Variants in CALHM2 observed in about 807,000 individuals in gnomAD.
The protein encoded by CALHM2 is calcium homeostasis modulator family member 2, also known as calcium homeostasis modulator protein 2.
CALHM2 carries 18 observed loss-of-function variants against 20.4 expected under a neutral mutation model. The observed-to-expected ratio is 0.88, with a 90% CI of 0.61 to 1.31. The LOEUF is 1.31. Among genes scored for constraint, CALHM2 ranks in the 50% most tolerant of loss-of-function variants. The pLI, the probability that CALHM2 is intolerant of heterozygous loss-of-function variation, is 0.00. For synonymous variants in CALHM2, 193 were observed against 192.1 expected (o/e 1.00, Z -0.04); for missense variants, 411 against 435.7 (o/e 0.94, Z 0.50).
chr10:103,449,829 A>ATGTT lies in CALHM2; in HGVS notation c.112_113insAACA (p.Leu38GlnfsTer90). 6.2e-7 allele frequency: 1 copy of ATGTT among 1,613,382 alleles called. No individual in the cohort carries two copies. Among genetic ancestry groups the ATGTT allele is most frequent in the South Asian group, 1.1e-5 (1 of 91,078 alleles). ...GCAGTGGAAGGCCACCACAGAGAAC[A>ATGTT]GCTCCTGGCTGCCCACCGTGCCCAG... On this transcript the variant is annotated frameshift_variant, in exon 3 of 4. Transcript: ENST00000260743. LOFTEE classifies it high-confidence loss of function.
chr10:103,450,066 AT>A lies in CALHM2; in HGVS notation c.-126del. The A allele has an allele frequency of 1.2e-6, 1 of 822,126 alleles. No homozygotes were observed. The highest frequency in any genetic ancestry group is 1.9e-6 in the Non-Finnish European group (1 of 521,722). 50.9% of individuals were successfully genotyped at this position (822,126 alleles called of 1,614,324 possible). A position where few individuals can be genotyped will look rare whatever the true frequency, so the allele number is the denominator to read the frequency against. ...CTGGACGGCAGGGTGTGGTTGTGCT[AT>A]TTTATCCCCAGCTGTGGTTGGCCTG... On this transcript the variant is annotated 5_prime_UTR_variant, in exon 3 of 4. Transcript: ENST00000260743.
chr10:103,447,514 A>G lies in CALHM2; in HGVS notation c.610T>C (p.Cys204Arg), dbSNP rs754961597. The change falls in exon 4 of 4, where the codon TGC becomes CGC. Residue 204 changes from cysteine to arginine, a missense_variant. Cys to Arg is a radical substitution (Grantham distance 180). Transcript: ENST00000260743. ...AGTGGTGAGCAGTAATGCTTGAGGC[A>G]CTTGGTCAGGAACACCAGGATGGCC... is the stretch of plus-strand genomic sequence containing the variant. ...VVAILVFLTK[C>R]LKHYCSPLSY... The G allele has an allele frequency of 6.2e-7, 1 of 1,611,008 alleles. No individual in the cohort carries two copies. The highest frequency in any genetic ancestry group is 8.5e-7 in the Non-Finnish European group (1 of 1,177,914).
At chr10:103,450,560 C>G (rs1194300469) in intron 2 of CALHM2, 4 of 156,934 alleles carry the variant, frequency 2.5e-5, no homozygotes, top group Non-Finnish European at 5.6e-5. Flanking sequence ...AGGGCGTGTC[C>G]TTAGGGTCTC....
In CALHM2 at chr10:103,447,544, C is replaced by T. The variant is rs2232662; in HGVS notation, c.580G>A (p.Val194Met). The stretch of plus-strand genomic sequence containing the variant: ...GTCAGGAACACCAGGATGGCCACCA[C>T]GCCGATGAGCAGCCATCCAAAGAGC... ...SQLFGWLLIG[V>M]VAILVFLTKC... is the part of the protein sequence containing the mutation. The change falls in exon 4 of 4, where the codon GTG (valine) becomes ATG (methionine). Residue 194 changes from valine to methionine, a missense_variant. Physicochemically the swap from Val to Met is conservative, Grantham distance 21 (BLOSUM62 1). Coordinates refer to ENST00000260743, the MANE Select transcript of CALHM2 (RefSeq NM_015916.5). 8,304 of 1,600,042 alleles carry T rather than the reference C, an allele frequency of 5.2e-3. 27 individuals are homozygous for T. Among genetic ancestry groups the T allele is most frequent in the African/African-American group, 7.6e-3 (570 of 74,852 alleles).
chr10:103,448,413 C>T (rs1233271251), intron 3 of CALHM2, among the ~76,000 whole-genome samples: 2 of 151,868 alleles, frequency 1.3e-5, no homozygotes, highest in African/African-American at 4.8e-5. Context: ...TCCCAAAGTG[C>T]TGAGATTACA....
Position 103,447,350 on chromosome 10 carries a change from C to G in CALHM2, c.774G>C (p.Lys258Asn), listed in dbSNP as rs1294416785. The G allele has an allele frequency of 2.5e-6, 4 of 1,614,118 alleles. No individual in the cohort carries two copies. Among genetic ancestry groups the G allele is most frequent in the Non-Finnish European group, 3.4e-6 (4 of 1,180,032 alleles). The change falls in exon 4 of 4, where the codon AAG becomes AAC. Residue 258 changes from lysine (K) to asparagine (N), a missense_variant. Transcript: ENST00000260743. Reference sequence around the variant, plus strand: ...AGTTGGCAATCAGTTCCTCATCATCCTTGTTGAGCGCCACAAAGCCAAAGA... The same window carrying G: ...AGTTGGCAATCAGTTCCTCATCATCGTTGTTGAGCGCCACAAAGCCAAAGA... ...RRFFGFVALN[K>N]DDEELIANFP...
chr10:103,450,014 C>G lies in CALHM2; in HGVS notation c.-73G>C. On this transcript the variant is annotated 5_prime_UTR_variant, in exon 3 of 4. Transcript: ENST00000260743. ...ACGGGATTGATGGTTGCTGGTGGTA[C>G]TAGGAAGGGGCACAGGCTGGGAGGC... 2.1e-6 allele frequency: 3 copies of G among 1,411,764 alleles called. No individual in the cohort carries two copies. Among genetic ancestry groups the G allele is most frequent in the East Asian group, 2.3e-5 (1 of 43,772 alleles). 87.5% of individuals were successfully genotyped at this position (1,411,764 alleles called of 1,614,324 possible).
At chr10:103,448,233 A>T (rs1592149661) in intron 3 of CALHM2, among the ~76,000 whole-genome samples, 1 of 149,700 alleles carries the variant, frequency 6.7e-6, no homozygotes, top group African/African-American at 2.5e-5. Context: ...TGCAACCTCC[A>T]CCTTCCGGGT....
rs1264709383 is a variant in CALHM2, at chr10:103,449,572, G to A, written c.370C>T (p.Arg124Cys). The change falls in exon 3 of 4, where the codon CGT (arginine) becomes TGT (cysteine). Residue 124 changes from arginine to cysteine, a missense_variant. Transcript: ENST00000260743. ...AGAGCACAGACATAAGCCTCACCACGCAGCAGGGAGATGACAGACCAGGTG... is the reference window on the plus strand; with the variant it reads ...AGAGCACAGACATAAGCCTCACCACACAGCAGGGAGATGACAGACCAGGTG... ...PVTWSVISLL[R>C]GEAYVCALSE... 3.1e-6 allele frequency: 5 copies of A among 1,613,852 alleles called. No individual in the cohort carries two copies. Among genetic ancestry groups the A allele is most frequent in the South Asian group, 2.2e-5 (2 of 91,086 alleles).
chr10:103,449,379 C>T lies in CALHM2; in HGVS notation c.555+8G>A, dbSNP rs763827800. ...GGAAGAGGAGCTTCCCTTTGCACAG[C>T]TCCTTACCTGGGACTCATACCTGAG... On this transcript the variant is annotated splice_region_variant and intron_variant, in intron 3 of 3. Coordinates refer to ENST00000260743, the MANE Select transcript of CALHM2 (RefSeq NM_015916.5). 2.5e-6 allele frequency: 4 copies of T among 1,611,470 alleles called. No homozygotes were observed. The highest frequency in any genetic ancestry group is 3.4e-6 in the Non-Finnish European group (4 of 1,179,514).
In CALHM2 at chr10:103,449,233, A is replaced by G. The variant is rs577313737; in HGVS notation, c.555+154T>C. On this transcript the variant is annotated intron_variant, in intron 3 of 3. Transcript: ENST00000260743. Reference sequence around the variant, plus strand: ...GTCTGGAACTGGCCCTTGCCCCACCATGCACCAGTTAACCAGCCCTGATAC... The same window carrying G: ...GTCTGGAACTGGCCCTTGCCCCACCGTGCACCAGTTAACCAGCCCTGATAC... 8.0e-4 allele frequency: 582 copies of G among 730,916 alleles called. 1 individual carries two copies. The highest frequency in any genetic ancestry group is 1.5e-3 in the Middle Eastern group (4 of 2,740). 45.3% of individuals were successfully genotyped at this position (730,916 alleles called of 1,614,324 possible).
intron 2 of CALHM2, 41 bp from the exon 3 acceptor site, chr10:103,450,140 C>G: frequency 1.7e-6 from 1 of 599,218 alleles, no homozygotes; most frequent in Middle Eastern, 4.4e-4. Context: ...CTCTGAAAAC[C>G]AGGAGTTGAG....
chr10:103,447,304 G>T lies in CALHM2; in HGVS notation c.820C>A (p.Pro274Thr). The T allele has an allele frequency of 6.2e-7, 1 of 1,614,240 alleles. No individual in the cohort carries two copies. The highest frequency in any genetic ancestry group is 8.5e-7 in the Non-Finnish European group (1 of 1,180,046). Residue 274 changes from proline (P) to threonine (T), a missense_variant, in exon 4 of 4, where the codon CCA (proline) becomes ACA (threonine). Physicochemically the swap from Pro to Thr is conservative, Grantham distance 38. Transcript: ENST00000260743. ...IANFPVEGTQ[P>T]RPQWNAITGV... The stretch of plus-strand genomic sequence containing the variant: ...GTGATGGCATTCCACTGTGGCCGTG[G>T]CTGCGTGCCTTCCACTGGGAAGTTG...
chr10:103,448,596 C>A (rs1408497596), intron 3 of CALHM2, among the ~76,000 whole-genome samples: 6 of 151,870 alleles, frequency 4.0e-5, no homozygotes, highest in Non-Finnish European at 8.8e-5. Context: ...GGCTGCGTGC[C>A]TGTAATCCCA....
At chr10:103,450,648 G>A (rs1295676892) in intron 2 of CALHM2, 1 of 153,212 alleles carries the variant, frequency 6.5e-6, no homozygotes, top group East Asian at 1.9e-4. Context: ...TGTGGGCTGG[G>A]GTGGGTACAG....
In CALHM2 at chr10:103,446,804, C is replaced by T. The variant is rs2032649843; in HGVS notation, c.*348G>A. On this transcript the variant is annotated 3_prime_UTR_variant, in exon 4 of 4. Transcript: ENST00000260743. ...AGGCTAGTCCTTTTAGTAAGAAAAA[C>T]TTTATCAAAAATTTAAATATATAAA... The T allele has an allele frequency of 5.3e-6, 1 of 188,336 alleles. No individual in the cohort carries two copies. The highest frequency in any genetic ancestry group is 1.1e-5 in the Non-Finnish European group (1 of 92,714). The allele number at this position is 188,336 out of a possible 1,614,324, so 11.7% of individuals were successfully genotyped here. A position where few individuals can be genotyped will look rare whatever the true frequency, so the allele number is the denominator to read the frequency against.
intron 3 of CALHM2, 101 bp from the exon 4 acceptor site, chr10:103,447,669 A>G: frequency 1.0e-6 from 1 of 993,220 alleles, no homozygotes; most frequent in South Asian, 1.9e-5. Flanking sequence ...GGGTAAGAGA[A>G]GCAGGCCCTT....
chr10:103,449,647 TGGG>T lies in CALHM2; in HGVS notation c.292_294del (p.Pro98del), dbSNP rs1240152599. The stretch of plus-strand genomic sequence containing the variant: ...AGGATGGAGCTTAGAAGGAGGAAGG[TGGG>T]GGCGGCGGAGCAGTTCTTGGTCCTC... On this transcript the variant is annotated inframe_deletion, in exon 3 of 4. Transcript: ENST00000260743. The T allele has an allele frequency of 6.2e-7, 1 of 1,613,322 alleles. No individual in the cohort carries two copies. Among genetic ancestry groups the T allele is most frequent in the South Asian group, 1.1e-5 (1 of 91,048 alleles).
rs893368597 is a variant in CALHM2, at chr10:103,450,099, C to T, written c.-158G>A. 8 of 647,388 alleles carry T rather than the reference C, an allele frequency of 1.2e-5. No homozygotes were observed. Among genetic ancestry groups the T allele is most frequent in the African/African-American group, 5.5e-5 (3 of 54,772 alleles). 40.1% of individuals were successfully genotyped at this position (647,388 alleles called of 1,614,324 possible). On this transcript the variant is annotated splice_region_variant and 5_prime_UTR_variant, in exon 3 of 4. Transcript: ENST00000260743. Reference sequence around the variant, plus strand: ...CCCAGCTGTGGTTGGCCTGGTGTTTCCTGTGGAGCAGATGACCGATAAGTG... The same window carrying T: ...CCCAGCTGTGGTTGGCCTGGTGTTTTCTGTGGAGCAGATGACCGATAAGTG...
Sources: gnomAD v4.1 joint callset for allele counts (sites outside exome capture counted in the v4.1 genomes callset) on GRCh38, gnomAD v4.1.1 for gene constraint, MANE v1.5 for transcripts, NCBI Gene and HGNC (gene_info 2026-07-23, HGNC 2026-07-21) for gene names.